The following PLA2R1 variants were observed in gnomAD, a reference collection of about 807,000 sequenced individuals.
PLA2R1 encodes the protein secretory phospholipase A2 receptor.
PLA2R1 carries 158 observed loss-of-function variants against 195.9 expected under a neutral mutation model. That is an observed-to-expected ratio of 0.81 (90% CI 0.71 to 0.92). The LOEUF is 0.92. Ranked by LOEUF, PLA2R1 falls within the 40% of genes least tolerant of loss-of-function variation. The pLI is 0.00. For synonymous variants in PLA2R1, 586 were observed against 598.2 expected (o/e 0.98, Z 0.30); for missense variants, 1,626 against 1,764.6 (o/e 0.92, Z 1.41).
At chr2:159,989,661 A>G (rs1472553151) in intron 11 of PLA2R1, among the ~76,000 whole-genome samples, 1 of 152,234 alleles carries the variant, frequency 6.6e-6, no homozygotes, top group African/African-American at 2.4e-5. Context: ...ATGAAGATCA[A>G]ATGAAATAAT....
intron 2 of PLA2R1, among the ~76,000 whole-genome samples, chr2:160,042,858 GGAGA>G (rs34457845): frequency 0.42 from 59,108 of 139,580 alleles, 13,840 homozygotes; most frequent in Admixed American, 0.56. Context: ...TGAGACAGAG[GGAGA>G]GAGAGAGAGA....
intron 2 of PLA2R1, among the ~76,000 whole-genome samples, chr2:160,044,135 T>C (rs1694717221): frequency 1.2e-5 from 1 of 80,884 alleles, no homozygotes; most frequent in African/African-American, 6.3e-5. Flanking sequence ...AATTTAACTA[T>C]GTAACTTTCT....
intron 10 of PLA2R1, 65 bp from the exon 11 acceptor site, chr2:160,005,886 C>G (rs1691950109): frequency 9.0e-7 from 1 of 1,111,524 alleles, no homozygotes; most frequent in Non-Finnish European, 1.4e-6. Context: ...GTCATTAAAG[C>G]ATAATGAAGT....
chr2:159,940,271 C>T lies in PLA2R1; in HGVS notation c.*1507G>A, dbSNP rs1300648192. 6.6e-6 allele frequency: 1 copy of T among 152,198 alleles called. No individual in the cohort carries two copies. Among genetic ancestry groups the T allele is most frequent in the Non-Finnish European group, 1.5e-5 (1 of 68,044 alleles). 9.4% of individuals were successfully genotyped at this position (152,198 alleles called of 1,614,324 possible). ...ATGGAACCTTACTTCATTTTCATAACCACTTGCTATTTTATGCATATGCAT... is the reference window on the plus strand; with the variant it reads ...ATGGAACCTTACTTCATTTTCATAATCACTTGCTATTTTATGCATATGCAT... On this transcript the variant is annotated 3_prime_UTR_variant, in exon 30 of 30. Transcript: ENST00000283243.
At chr2:160,017,366 C>T (rs1692835495) in intron 8 of PLA2R1, among the ~76,000 whole-genome samples, 1 of 152,166 alleles carries the variant, frequency 6.6e-6, no homozygotes, top group Non-Finnish European at 1.5e-5. Flanking sequence ...ACTGTGAGAA[C>T]CACTGGGATG....
Position 160,028,214 on chromosome 2 carries a change from T to C in PLA2R1, c.1099+4A>G, listed in dbSNP as rs1233984734. ...TAAGAACAACTTAAAATAAAAACGC[T>C]TACCAACTATTTCATGATCAATGTG... On this transcript the variant is annotated splice_donor_region_variant and intron_variant, in intron 6 of 29. Transcript: ENST00000283243. 1 of 1,575,584 alleles carries C rather than the reference T, an allele frequency of 6.3e-7. No homozygotes were observed. Among genetic ancestry groups the C allele is most frequent in the African/African-American group, 1.4e-5 (1 of 73,020 alleles).
intron 13 of PLA2R1, 138 bp from the exon 14 acceptor site, chr2:159,980,052 A>G (rs1408846700): frequency 7.5e-6 from 3 of 397,372 alleles, no homozygotes; most frequent in African/African-American, 2.1e-5. Flanking sequence ...CCTAAAACTT[A>G]AAGTATAATA....
intron 1 of PLA2R1, among the ~76,000 whole-genome samples, chr2:160,050,524 T>C (rs1695152060): frequency 6.6e-6 from 1 of 152,232 alleles, no homozygotes; most frequent in Admixed American, 6.5e-5. Context: ...TTTATTTACA[T>C]GCATTCATTT....
At chr2:159,972,654 A>T (rs1187410723) in intron 17 of PLA2R1, among the ~76,000 whole-genome samples, 1 of 152,232 alleles carries the variant, frequency 6.6e-6, no homozygotes, top group Non-Finnish European at 1.5e-5. Flanking sequence ...ATAAAAATTT[A>T]ATAATAATGG....
chr2:159,995,505 GA>G (rs1470095127), intron 11 of PLA2R1, among the ~76,000 whole-genome samples: 3 of 151,870 alleles, frequency 2.0e-5, no homozygotes, highest in African/African-American at 4.8e-5. Context: ...AAAGTATATA[GA>G]AATGATACCT....
intron 20 of PLA2R1, among the ~76,000 whole-genome samples, chr2:159,961,958 C>G (rs1688475091): frequency 2.6e-5 from 4 of 152,160 alleles, no homozygotes. Context: ...CAATACCATT[C>G]AGGACATAGG....
intron 6 of PLA2R1, among the ~76,000 whole-genome samples, chr2:160,025,335 T>A (rs2666992): frequency 0.89 from 135,151 of 152,050 alleles, 60,421 homozygotes; most frequent in East Asian, 0.99. Flanking sequence ...TGGGCAACAG[T>A]GCAAGACACC....
chr2:160,054,525 G>A (rs1184641262), intron 1 of PLA2R1, among the ~76,000 whole-genome samples: 5 of 152,278 alleles, frequency 3.3e-5, no homozygotes, highest in African/African-American at 1.2e-4. Context: ...CCAAAAGCTA[G>A]AAGTGGTAAC....
intron 2 of PLA2R1, among the ~76,000 whole-genome samples, chr2:160,043,936 C>G (rs6750728): frequency 0.023 from 3,440 of 152,250 alleles, 110 homozygotes; most frequent in African/African-American, 0.073. Flanking sequence ...AGGGTAGGGG[C>G]TCCACCTGTC....
chr2:160,052,980 T>G (rs554361685), intron 1 of PLA2R1, among the ~76,000 whole-genome samples: 28 of 152,336 alleles, frequency 1.8e-4, no homozygotes, highest in South Asian at 6.2e-4. Context: ...TGTTAGTCCC[T>G]GTATCGGTTT....
chr2:159,943,000 C>A (rs1210985195), intron 28 of PLA2R1, among the ~76,000 whole-genome samples: 1 of 145,018 alleles, frequency 6.9e-6, no homozygotes, highest in African/African-American at 2.6e-5. Flanking sequence ...GAGGCGAAGT[C>A]TCACTCTGTT....
At position 159,964,780 on chromosome 2, in the gene PLA2R1, T is replaced by C. The variant is rs1574683471; in HGVS notation, c.2904+2759A>G. Among the ~76,000 whole-genome samples the C allele has an allele frequency of 2.0e-5, 3 of 151,910 alleles. No individual in the cohort carries two copies. The South Asian group carries it at 6.2e-4, about 32-fold the overall frequency. On this transcript the variant is annotated intron_variant, in intron 20 of 29. Coordinates refer to ENST00000283243, the MANE Select transcript of PLA2R1 (RefSeq NM_007366.5). ...GTTCACAGCAAAGTTAAGAGGAAGG[T>C]ACAACTTTGGGAGACCAAGGCGGGC...
intron 25 of PLA2R1, among the ~76,000 whole-genome samples, chr2:159,948,449 G>A (rs1574648012): frequency 6.6e-6 from 1 of 150,416 alleles, no homozygotes; most frequent in Non-Finnish European, 1.5e-5. Context: ...TAACCAAGCT[G>A]GTCTCAAACT....
At chr2:160,045,423 G>A (rs1694798108) in intron 1 of PLA2R1, among the ~76,000 whole-genome samples, 1 of 152,184 alleles carries the variant, frequency 6.6e-6, no homozygotes, top group South Asian at 2.1e-4. Flanking sequence ...AGGGTTACCT[G>A]CCAATCCACT....
Sources: allele counts gnomAD v4.1 joint callset (sites outside exome capture counted in the v4.1 genomes callset), GRCh38; gene constraint gnomAD v4.1.1; transcripts MANE v1.5; gene names NCBI Gene and HGNC (gene_info 2026-07-23, HGNC 2026-07-21).